SH3GL2: variants seen among roughly 807,000 people sequenced by gnomAD.
SH3GL2 encodes endophilin-A1.
SH3GL2 carries 24 observed loss-of-function variants against 46.0 expected under a neutral mutation model. That is an observed-to-expected ratio of 0.52 (90% CI 0.38 to 0.73). The LOEUF is 0.73. SH3GL2 is among the 30% of genes least tolerant of loss of function. The pLI is 0.00. For missense variants in SH3GL2, 413 were observed against 424.2 expected, an observed-to-expected ratio of 0.97 and a Z score of 0.23; for synonymous variants, 196 against 147.1, an observed-to-expected ratio of 1.33 and a Z score of -2.40.
At chr9:17,751,888 CT>C (rs1208539469) in intron 2 of SH3GL2, among the ~76,000 whole-genome samples, 6 of 152,096 alleles carry the variant, frequency 3.9e-5, no homozygotes. Flanking sequence ...AGGGCCAGAG[CT>C]CCAAACAAGA....
At chr9:17,695,194 T>C (rs144345738) in intron 1 of SH3GL2, among the ~76,000 whole-genome samples, 120 of 152,264 alleles carry the variant, frequency 7.9e-4, no homozygotes, top group Non-Finnish European at 1.4e-3. Flanking sequence ...GGAGTGTTTA[T>C]TGGTGTCTTG....
intron 1 of SH3GL2, among the ~76,000 whole-genome samples, chr9:17,668,082 G>T (rs1820388697): frequency 1.3e-5 from 2 of 152,052 alleles, no homozygotes; most frequent in South Asian, 4.2e-4. Context: ...CCATTCTATG[G>T]GTTGTCTTTT....
At chr9:17,733,617 T>A (rs78282590) in intron 1 of SH3GL2, among the ~76,000 whole-genome samples, 9,580 of 149,322 alleles carry the variant, frequency 0.064, 396 homozygotes, top group Admixed American at 0.12. Flanking sequence ...ATCCCATTAC[T>A]GGGTATATAC....
At chr9:17,580,155 T>A (rs1421548551) in intron 1 of SH3GL2, among the ~76,000 whole-genome samples, 1 of 152,238 alleles carries the variant, frequency 6.6e-6, no homozygotes, top group Non-Finnish European at 1.5e-5. Context: ...CGCTGTGACC[T>A]ATTTCTTACA....
intron 4 of SH3GL2, among the ~76,000 whole-genome samples, 175 bp from the exon 5 acceptor site, chr9:17,787,205 C>A (rs190869301): frequency 1.3e-5 from 2 of 152,250 alleles, no homozygotes; most frequent in African/African-American, 4.8e-5. Flanking sequence ...TATTTACCCT[C>A]TTAGGGGGCA....
At chr9:17,746,977 G>C (rs1179089273) in intron 1 of SH3GL2, 89 bp from the exon 2 acceptor site, 1 of 825,578 alleles carries the variant, frequency 1.2e-6, no homozygotes, top group African/African-American at 1.7e-5. Context: ...GATTACATTA[G>C]ATGACATTTG....
chr9:17,724,684 C>T (rs1040993656), intron 1 of SH3GL2, among the ~76,000 whole-genome samples: 4 of 152,150 alleles, frequency 2.6e-5, no homozygotes, highest in Non-Finnish European at 5.9e-5. Context: ...GATCCTCTCC[C>T]TCTTCTAGGG....
chr9:17,708,856 C>T (rs901841392), intron 1 of SH3GL2, among the ~76,000 whole-genome samples: 20 of 151,940 alleles, frequency 1.3e-4, no homozygotes, highest in Admixed American at 9.9e-4. Context: ...TCTTTGTTAC[C>T]ATCGATCTTA....
intron 7 of SH3GL2, among the ~76,000 whole-genome samples, chr9:17,791,871 C>A (rs1339552651): frequency 6.6e-6 from 1 of 152,196 alleles, no homozygotes; most frequent in Non-Finnish European, 1.5e-5. Context: ...TCAGAGAGAG[C>A]TACTTTCACC....
chr9:17,769,684 C>G (rs1355527289), intron 3 of SH3GL2, among the ~76,000 whole-genome samples: 1 of 152,072 alleles, frequency 6.6e-6, no homozygotes, highest in Non-Finnish European at 1.5e-5. Context: ...CCTCATCCCT[C>G]TCATACCTCC....
At chr9:17,756,878 C>T (rs1823009322) in intron 2 of SH3GL2, among the ~76,000 whole-genome samples, 1 of 152,082 alleles carries the variant, frequency 6.6e-6, no homozygotes, top group Non-Finnish European at 1.5e-5. Context: ...ATTTCTAGTT[C>T]TAGATCCCTG....
At chr9:17,743,298 C>T (rs1160982058) in intron 1 of SH3GL2, among the ~76,000 whole-genome samples, 1 of 152,008 alleles carries the variant, frequency 6.6e-6, no homozygotes, top group African/African-American at 2.4e-5. Flanking sequence ...GCCCAGAGAA[C>T]AATATAGATG....
chr9:17,580,242 T>C (rs1818252891), intron 1 of SH3GL2, among the ~76,000 whole-genome samples: 2 of 152,222 alleles, frequency 1.3e-5, no homozygotes, highest in Admixed American at 1.3e-4. Flanking sequence ...TTTTGATGAC[T>C]TACCGCGAAA....
rs76090706 is a variant in SH3GL2 at position 17,716,151 on chromosome 9, A to G, written c.46-30915A>G. On this transcript the variant is annotated intron_variant, in intron 1 of 8. Transcript: ENST00000380607. ...ATAATTATTTTAATATCCTTGTCAA[A>G]CAATTGTATCATCTGTGGCATTCTG... Among the ~76,000 whole-genome samples the G allele has an allele frequency of 4.1e-3, 626 of 152,216 alleles. 8 individuals carry two copies. The highest frequency in any genetic ancestry group is 0.013 in the African/African-American group (524 of 41,550).
chr9:17,625,028 C>G (rs1819249100), intron 1 of SH3GL2, among the ~76,000 whole-genome samples: 1 of 152,190 alleles, frequency 6.6e-6, no homozygotes, highest in African/African-American at 2.4e-5. Flanking sequence ...TAAACCTTGG[C>G]TAGAGTTGGC....
intron 1 of SH3GL2, among the ~76,000 whole-genome samples, chr9:17,617,476 T>C (rs1819030390): frequency 6.6e-6 from 1 of 152,210 alleles, no homozygotes; most frequent in South Asian, 2.1e-4. Flanking sequence ...TCCTTGATTA[T>C]TCCTTGGAGC....
At chr9:17,704,262 T>C (rs1051993183) in intron 1 of SH3GL2, among the ~76,000 whole-genome samples, 1 of 151,828 alleles carries the variant, frequency 6.6e-6, no homozygotes, top group African/African-American at 2.4e-5. Context: ...ACAATGAGAA[T>C]TACAAAACAC....
At chr9:17,669,224 C>T (rs1013745746) in intron 1 of SH3GL2, among the ~76,000 whole-genome samples, 3 of 152,230 alleles carry the variant, frequency 2.0e-5, no homozygotes. Flanking sequence ...AGTATGGTAT[C>T]AAAACCAGGA....
At chr9:17,732,557 C>T (rs4961588) in intron 1 of SH3GL2, among the ~76,000 whole-genome samples, 28,775 of 151,932 alleles carry the variant, frequency 0.19, 3,379 homozygotes, top group East Asian at 0.38. Flanking sequence ...ATATAAACAA[C>T]GATAGTTTAA....
Sources: allele counts gnomAD v4.1 joint callset (sites outside exome capture counted in the v4.1 genomes callset), GRCh38; gene constraint gnomAD v4.1.1; transcripts MANE v1.5; gene names NCBI Gene and HGNC (gene_info 2026-07-23, HGNC 2026-07-21).